The following CACNA1E variants were observed in gnomAD, a reference collection of about 807,000 sequenced individuals.
CACNA1E encodes calcium voltage-gated channel subunit alpha1 E.
CACNA1E carries 40 observed loss-of-function variants against 259.2 expected under a neutral mutation model. That is an observed-to-expected ratio of 0.15 (90% CI 0.12 to 0.20). The LOEUF (loss-of-function observed/expected upper bound fraction) is 0.20, where lower values mean the gene tolerates loss of function less well. Ranked by LOEUF, CACNA1E falls within the 10% of genes least tolerant of loss-of-function variation. The pLI, the probability that CACNA1E is intolerant of heterozygous loss-of-function variation, is 1.00. For synonymous variants in CACNA1E, 1,104 were observed against 1,138.5 expected (o/e 0.97, Z 0.61); for missense variants, 1,874 against 3,040.1 (o/e 0.62, Z 9.02).
At chr1:181,777,847 G>A (rs1660098756) in intron 38 of CACNA1E, among the ~76,000 whole-genome samples, 1 of 152,176 alleles carries the variant, frequency 6.6e-6, no homozygotes, top group Admixed American at 6.5e-5. Context: ...CCTAAGAAGG[G>A]ACCTCTTCAC....
intron 6 of CACNA1E, among the ~76,000 whole-genome samples, chr1:181,641,703 G>GTTTTTTTTTTTTTTTT (rs751082929): frequency 1.2e-5 from 1 of 81,116 alleles, no homozygotes; most frequent in Non-Finnish European, 2.5e-5. Flanking sequence ...CTAATTTTTT[G>GTTTTTTTTTTTTTTTT]TTTTTTTTTT....
chr1:181,334,255 T>G (rs1030850956), intron 1 of CACNA1E, among the ~76,000 whole-genome samples: 1 of 152,230 alleles, frequency 6.6e-6, no homozygotes, highest in African/African-American at 2.4e-5. Context: ...TCCAGGGCTT[T>G]GTTAATTTTC....
At chr1:181,346,039 C>T (rs998784607) in intron 1 of CACNA1E, among the ~76,000 whole-genome samples, 1 of 152,194 alleles carries the variant, frequency 6.6e-6, no homozygotes, top group East Asian at 1.9e-4. Context: ...TGAAGGCTGT[C>T]ACGCTCTGGC....
intron 2 of CACNA1E, among the ~76,000 whole-genome samples, chr1:181,414,548 T>C (rs1658121334): frequency 6.6e-6 from 1 of 152,130 alleles, no homozygotes; most frequent in African/African-American, 2.4e-5. Context: ...CAGAGAGGAG[T>C]TGGGCACAGC....
Position 181,650,735 on chromosome 1 carries a change from G to C in CACNA1E, c.952-603G>C, listed in dbSNP as rs569910592. ...TTTAATTCACTGAGTGTTAACATTA[G>C]AGTGCAAGTGATCACTCTTCAAATC... On this transcript the variant is annotated intron_variant, in intron 6 of 47. Transcript: ENST00000367573. 2.0e-4 allele frequency among the ~76,000 whole-genome samples: 31 copies of C among 152,310 alleles called. 1 individual carries two copies. In the South Asian group the frequency reaches 4.1e-3, roughly 20 times the overall value.
intron 2 of CACNA1E, among the ~76,000 whole-genome samples, chr1:181,435,441 C>G (rs1321458577): frequency 1.3e-5 from 2 of 152,204 alleles, no homozygotes; most frequent in Non-Finnish European, 2.9e-5. Flanking sequence ...CTCTTACTCA[C>G]ACTTAGCTTT....
intron 35 of CACNA1E, among the ~76,000 whole-genome samples, chr1:181,767,870 T>C (rs1035794595): frequency 2.6e-5 from 4 of 152,264 alleles, no homozygotes; most frequent in Non-Finnish European, 5.9e-5. Context: ...AACTCCAATA[T>C]ATTTGATTCT....
chr1:181,574,006 C>T (rs1650690194), intron 3 of CACNA1E, among the ~76,000 whole-genome samples: 1 of 152,120 alleles, frequency 6.6e-6, no homozygotes, highest in Non-Finnish European at 1.5e-5. Flanking sequence ...AGCCATTATC[C>T]TCAGCAAACT....
At chr1:181,517,598 A>C (rs1277959011) in intron 3 of CACNA1E, among the ~76,000 whole-genome samples, 1 of 151,740 alleles carries the variant, frequency 6.6e-6, no homozygotes, top group East Asian at 1.9e-4. Context: ...GTGCAGAGCC[A>C]AGCAGAAAGA....
At chr1:181,533,917 C>T (rs1215964822) in intron 3 of CACNA1E, among the ~76,000 whole-genome samples, 4 of 151,846 alleles carry the variant, frequency 2.6e-5, no homozygotes, top group Admixed American at 2.6e-4. Flanking sequence ...ATCCAGCAAT[C>T]GTGTAAAAGT....
rs188947772 is a variant in CACNA1E, at chr1:181,654,712, C to T, written c.1055+3271C>T. Among the ~76,000 whole-genome samples the T allele has an allele frequency of 5.1e-3, 770 of 152,230 alleles. 3 individuals carry two copies. Among genetic ancestry groups the T allele is most frequent in the Non-Finnish European group, 8.3e-3 (562 of 68,012 alleles). Reference sequence around the variant, plus strand: ...AACATAAGATATCTTGGGCGGGGCGCGCTGGCTCACGCCTGTAATCCCAGC... The same window carrying T: ...AACATAAGATATCTTGGGCGGGGCGTGCTGGCTCACGCCTGTAATCCCAGC... On this transcript the variant is annotated intron_variant, in intron 7 of 47. Transcript: ENST00000367573.
chr1:181,794,823 T>G (rs1318002681), intron 45 of CACNA1E, 41 bp from the exon 46 acceptor site: 1 of 1,557,998 alleles, frequency 6.4e-7, no homozygotes, highest in Admixed American at 1.8e-5. Context: ...TTTCAATCGT[T>G]AATCCATACC....
At chr1:181,440,272 C>A (rs1571879195) in intron 2 of CACNA1E, among the ~76,000 whole-genome samples, 1 of 152,204 alleles carries the variant, frequency 6.6e-6, no homozygotes, top group Admixed American at 6.5e-5. Context: ...ACTTTCCCAT[C>A]CCTGGGAGTA....
intron 6 of CACNA1E, among the ~76,000 whole-genome samples, chr1:181,631,641 C>G (rs1656753663): frequency 6.6e-6 from 1 of 152,132 alleles, no homozygotes; most frequent in Non-Finnish European, 1.5e-5. Context: ...CTGCCTGCCC[C>G]CTCAGTGGGA....
chr1:181,550,044 G>A (rs1647958260), intron 3 of CACNA1E, among the ~76,000 whole-genome samples: 1 of 152,148 alleles, frequency 6.6e-6, no homozygotes, highest in Non-Finnish European at 1.5e-5. Flanking sequence ...TGTGTTGGGG[G>A]TAATTAGGGA....
intron 32 of CACNA1E, among the ~76,000 whole-genome samples, chr1:181,761,068 A>G (rs942067738): frequency 6.6e-6 from 1 of 152,198 alleles, no homozygotes; most frequent in African/African-American, 2.4e-5. Flanking sequence ...TGGAAAGTGA[A>G]TTTATGAAAC....
chr1:181,730,635 C>T (rs1251702508), intron 18 of CACNA1E, among the ~76,000 whole-genome samples: 1 of 152,232 alleles, frequency 6.6e-6, no homozygotes, highest in East Asian at 1.9e-4. Flanking sequence ...GATGGTGCTG[C>T]CTCTGACCAT....
At chr1:181,737,450 T>G in intron 22 of CACNA1E, 75 bp from the exon 23 acceptor site, 1 of 1,547,498 alleles carries the variant, frequency 6.5e-7, no homozygotes, top group Non-Finnish European at 8.8e-7. Context: ...GGCCAATATG[T>G]GTATGTGGGA....
chr1:181,750,344 A>T (rs758690961), intron 25 of CACNA1E, 132 bp from the exon 26 acceptor site: 31 of 739,700 alleles, frequency 4.2e-5, no homozygotes, highest in Non-Finnish European at 7.1e-5. Flanking sequence ...TGCTGCTCTG[A>T]TTCCCTATCA....
Sources: gnomAD v4.1 joint callset for allele counts (sites outside exome capture counted in the v4.1 genomes callset) on GRCh38, gnomAD v4.1.1 for gene constraint, MANE v1.5 for transcripts, NCBI Gene and HGNC (gene_info 2026-07-23, HGNC 2026-07-21) for gene names.